Variants in CDON observed in about 807,000 individuals in gnomAD.
CDON encodes cell adhesion associated, oncogene regulated, also known as cell adhesion molecule-related/down-regulated by oncogenes.
A neutral mutation model predicts 120.9 loss-of-function variants in CDON; 73 were observed. That is an observed-to-expected ratio of 0.60 (90% CI 0.50 to 0.73). The LOEUF is 0.73. Ranked by LOEUF, CDON falls within the 30% of genes least tolerant of loss-of-function variation. The pLI, the probability that CDON is intolerant of heterozygous loss-of-function variation, is 0.00. For synonymous variants in CDON, 566 were observed against 573.5 expected (o/e 0.99, Z 0.19); for missense variants, 1,470 against 1,587.3 (o/e 0.93, Z 1.26).
chr11:126,010,949 A>T (rs1947286889), intron 7 of CDON: 1 of 528,146 alleles, frequency 1.9e-6, no homozygotes, highest in Non-Finnish European at 3.6e-6. Flanking sequence ...ATATAAAGAA[A>T]TCTTTTGAGA....
intron 1 of CDON, among the ~76,000 whole-genome samples, chr11:126,057,796 G>A (rs1035626390): frequency 4.6e-5 from 7 of 152,186 alleles, no homozygotes; most frequent in Admixed American, 3.9e-4. Flanking sequence ...TCACGTGCCC[G>A]CACTATTACT....
chr11:126,055,139 A>C (rs551504611), intron 1 of CDON, among the ~76,000 whole-genome samples: 1 of 152,314 alleles, frequency 6.6e-6, no homozygotes, highest in East Asian at 1.9e-4. Flanking sequence ...AATGATCTGG[A>C]AGGGGGCAAA....
intron 1 of CDON, among the ~76,000 whole-genome samples, chr11:126,039,555 AACTAATCTAGAG>A (rs1948197680): frequency 1.3e-5 from 2 of 152,360 alleles, no homozygotes; most frequent in South Asian, 2.1e-4. Flanking sequence ...GTCAAAAAAC[AACTAATCTAGAG>A]ACTTAACATT....
Position 125,978,381 on chromosome 11 carries a change from AC to A in CDON, c.3278del (p.Gly1093ValfsTer47). 1 of 1,598,282 alleles carries A rather than the reference AC, an allele frequency of 6.3e-7. No individual in the cohort carries two copies. Among genetic ancestry groups the A allele is most frequent in the Non-Finnish European group, 8.6e-7 (1 of 1,168,328 alleles). On this transcript the variant is annotated frameshift_variant and splice_region_variant, in exon 18 of 20. Transcript: ENST00000531738. LOFTEE classifies it high-confidence loss of function. ...GAGGCACGGCCGTGTACATTCCACC[AC>A]CCTGGACAGGAAGGAGTGTCAGAGA... ...DFEHPHHLVN[G>X]GGMYTAVPQI... is the part of the protein sequence containing the mutation.
At chr11:125,982,326 C>T (rs1037467734) in intron 16 of CDON, among the ~76,000 whole-genome samples, 1 of 152,122 alleles carries the variant, frequency 6.6e-6, no homozygotes, top group Non-Finnish European at 1.5e-5. Flanking sequence ...AACTGATTTC[C>T]AGAGGCACAT....
At chr11:126,043,582 A>G (rs1351409288) in intron 1 of CDON, among the ~76,000 whole-genome samples, 1 of 152,188 alleles carries the variant, frequency 6.6e-6, no homozygotes, top group Non-Finnish European at 1.5e-5. Flanking sequence ...TATTATTTCC[A>G]TTTTACAAAT....
chr11:126,037,838 G>A (rs982201315), intron 1 of CDON, among the ~76,000 whole-genome samples: 9 of 152,002 alleles, frequency 5.9e-5, no homozygotes, highest in Non-Finnish European at 1.0e-4. Context: ...AAACTCCACA[G>A]TTTTTTTCCA....
Position 126,004,047 on chromosome 11 carries a change from G to T in CDON, c.1881C>A (p.Ser627Arg), listed in dbSNP as rs1359571603. The T allele has an allele frequency of 1.9e-6, 3 of 1,613,952 alleles. No homozygotes were observed. In the South Asian group the frequency reaches 3.3e-5, roughly 18 times the overall value. Residue 627 changes from serine (S) to arginine (R), a missense_variant, in exon 10 of 20, where the codon AGC becomes AGA. Transcript: ENST00000531738. ...KLDDGVGMLG[S>R]WHTVRVPGSE... ...TTCCTGGGACTCGAACCGTGTGCCA[G>T]CTTCCCAGCATGCCAACCCCATCAT...
chr11:126,023,285 T>C (rs1455631572), intron 2 of CDON, 116 bp downstream of exon 2: 1 of 817,810 alleles, frequency 1.2e-6, no homozygotes, highest in Non-Finnish European at 2.2e-6. Flanking sequence ...GTCAAACCAA[T>C]CTTAGAAACA....
At chr11:126,015,040 T>A (rs1175476542) in intron 7 of CDON, 1 of 608,536 alleles carries the variant, frequency 1.6e-6, no homozygotes, top group Non-Finnish European at 2.9e-6. Flanking sequence ...TTTAAAAACT[T>A]TTTTTAATGA....
chr11:126,033,695 C>G (rs185672874), intron 1 of CDON, among the ~76,000 whole-genome samples: 2 of 152,000 alleles, frequency 1.3e-5, no homozygotes, highest in African/African-American at 2.4e-5. Context: ...TGATTAGGGA[C>G]GGTCTTCATG....
At chr11:125,995,616 G>A (rs1191325915) in intron 12 of CDON, among the ~76,000 whole-genome samples, 1 of 152,098 alleles carries the variant, frequency 6.6e-6, no homozygotes, top group South Asian at 2.1e-4. Context: ...TTAGATATTA[G>A]GAACTTTAAA....
At chr11:126,029,858 C>G (rs1451405478) in intron 1 of CDON, among the ~76,000 whole-genome samples, 3 of 152,142 alleles carry the variant, frequency 2.0e-5, no homozygotes, top group African/African-American at 4.8e-5. Context: ...GTAGTACAGT[C>G]TCTCCGGAAA....
intron 1 of CDON, among the ~76,000 whole-genome samples, chr11:126,032,254 G>A (rs1947963342): frequency 6.6e-6 from 1 of 151,626 alleles, no homozygotes; most frequent in African/African-American, 2.4e-5. Context: ...CTTCTCAGAG[G>A]AAACAACTGA....
At chr11:126,027,650 G>A (rs902831588) in intron 1 of CDON, among the ~76,000 whole-genome samples, 14 of 152,190 alleles carry the variant, frequency 9.2e-5, no homozygotes, top group Admixed American at 3.3e-4. Context: ...CGGCCTTAAT[G>A]TATAAGTCAT....
rs201984605 is a variant in CDON, at chr11:126,021,265, G to A, written c.332C>T (p.Ala111Val). 59 of 1,613,970 alleles carry A rather than the reference G, an allele frequency of 3.7e-5. No individual in the cohort carries two copies. The highest frequency in any genetic ancestry group is 8.8e-5 in the South Asian group (8 of 91,054). The change falls in exon 3 of 20, where the codon GCG becomes GTG. Residue 111 changes from alanine (A) to valine (V), a missense_variant. Physicochemically the swap from Ala to Val is moderately conservative, Grantham distance 64. Coordinates refer to ENST00000531738, the MANE Select transcript of CDON (RefSeq NM_001378964.1). ...NSIGAIVSGP[A>V]TVSVAVLGDF... ...AAACTCACCTGCCACAGATACTGTCGCAGGGCCACTCACAATGGCACCGAT... is the reference window on the plus strand; with the variant it reads ...AAACTCACCTGCCACAGATACTGTCACAGGGCCACTCACAATGGCACCGAT...
At chr11:126,027,963 C>G (rs1413912635) in intron 1 of CDON, among the ~76,000 whole-genome samples, 1 of 144,390 alleles carries the variant, frequency 6.9e-6, no homozygotes, top group Non-Finnish European at 1.5e-5. Context: ...ACTTAAATCA[C>G]TCTGCCTTTT....
At chr11:126,007,209 A>T (rs181401933) in intron 8 of CDON, among the ~76,000 whole-genome samples, 360 of 152,324 alleles carry the variant, frequency 2.4e-3, no homozygotes, top group African/African-American at 8.3e-3. Flanking sequence ...TCCTGGTAAA[A>T]GATGGGTGTG....
chr11:126,025,532 G>GC (rs1565538312), intron 1 of CDON, among the ~76,000 whole-genome samples: 5 of 104,458 alleles, frequency 4.8e-5, no homozygotes, highest in African/African-American at 2.1e-4. Flanking sequence ...TTTGTGGGGG[G>GC]TGTGTGTGTG....
Sources: allele counts gnomAD v4.1 joint callset (sites outside exome capture counted in the v4.1 genomes callset), GRCh38; gene constraint gnomAD v4.1.1; transcripts MANE v1.5; gene names NCBI Gene and HGNC (gene_info 2026-07-23, HGNC 2026-07-21).